Variants in LAPTM4A observed in about 807,000 individuals in gnomAD.
The protein encoded by LAPTM4A is lysosomal protein transmembrane 4 alpha.
In LAPTM4A, 19 loss-of-function variants were observed where a neutral mutation model predicts 29.9. The ratio of observed to expected loss-of-function variants is 0.64; its 90% CI spans 0.44 to 0.93. The LOEUF is 0.93. LAPTM4A is among the 40% of genes least tolerant of loss of function. The probability of loss-of-function intolerance (pLI) is 0.00; values close to 1 mark genes in which losing one functional copy is unlikely to be tolerated. For synonymous variants in LAPTM4A, 105 were observed against 102.1 expected, an observed-to-expected ratio of 1.03 and a Z score of -0.17; for missense variants, 293 against 288.5, an observed-to-expected ratio of 1.02 and a Z score of -0.11.
intron 1 of LAPTM4A, among the ~76,000 whole-genome samples, chr2:20,046,207 C>T (rs1309604491): frequency 1.3e-5 from 2 of 151,990 alleles, no homozygotes; most frequent in East Asian, 1.9e-4. Context: ...CAGCGGGTGG[C>T]GGGCTGGGGG....
chr2:20,036,412 T>C (rs1395974989), intron 4 of LAPTM4A, among the ~76,000 whole-genome samples: 2 of 152,244 alleles, frequency 1.3e-5, no homozygotes, highest in African/African-American at 2.4e-5. Context: ...ACCCATGTGA[T>C]ATCCACTCCC....
chr2:20,051,209 C>G (rs1402960592), intron 1 of LAPTM4A, among the ~76,000 whole-genome samples: 1 of 152,186 alleles, frequency 6.6e-6, no homozygotes, highest in African/African-American at 2.4e-5. Flanking sequence ...TACCACCGCC[C>G]CCCGCTCCCC....
intron 1 of LAPTM4A, among the ~76,000 whole-genome samples, chr2:20,049,804 A>G (rs1674012848): frequency 6.6e-6 from 1 of 152,208 alleles, no homozygotes; most frequent in African/African-American, 2.4e-5. Flanking sequence ...ATAGGAAAGA[A>G]AGTCATCTTC....
At position 20,044,078 on chromosome 2, in the gene LAPTM4A, T is replaced by A. The variant is rs58427000; in HGVS notation, c.112-3067A>T. Among the ~76,000 whole-genome samples, 438 of 152,386 alleles carry A rather than the reference T, an allele frequency of 2.9e-3. 3 individuals carry two copies. The highest frequency in any genetic ancestry group is 9.9e-3 in the African/African-American group (412 of 41,588). On this transcript the variant is annotated intron_variant, in intron 1 of 6. Transcript: ENST00000175091. The stretch of plus-strand genomic sequence containing the variant: ...TGCATTGTTCAGAGGCAAGGCATGA[T>A]ATCTTTCAATTCTTGAGAGGACTTA...
At chr2:20,047,300 A>T (rs1572400768) in intron 1 of LAPTM4A, among the ~76,000 whole-genome samples, 1 of 150,920 alleles carries the variant, frequency 6.6e-6, no homozygotes, top group African/African-American at 2.4e-5. Flanking sequence ...GGGCAGAGGA[A>T]TCGCTTGAAC....
rs532137023 is a variant in LAPTM4A at position 20,043,255 on chromosome 2, C to T, written c.112-2244G>A. ...TTTGAGACCAAGCCTCGCTCTGTCA[C>T]CCAGGCTGGAGTGCAGTGGCACGAT... On this transcript the variant is annotated intron_variant, in intron 1 of 6. Coordinates refer to ENST00000175091, the MANE Select transcript of LAPTM4A (RefSeq NM_014713.5). 3.4e-4 allele frequency among the ~76,000 whole-genome samples: 51 copies of T among 148,702 alleles called. 1 individual carries two copies. Among genetic ancestry groups the T allele is most frequent in the Non-Finnish European group, 6.2e-4 (42 of 67,400 alleles).
At chr2:20,038,193 C>G (rs2103496444) in intron 2 of LAPTM4A, among the ~76,000 whole-genome samples, 1 of 152,242 alleles carries the variant, frequency 6.6e-6, no homozygotes, top group African/African-American at 2.4e-5. Flanking sequence ...ACTTCCCCAC[C>G]CAACCTCCCA....
At chr2:20,037,279 T>G (rs1368843792) in intron 4 of LAPTM4A, 37 bp downstream of exon 4, 1 of 1,504,600 alleles carries the variant, frequency 6.6e-7, no homozygotes, top group South Asian at 1.3e-5. Context: ...TTACTCAAAA[T>G]GAAAAAAAAA....
intron 5 of LAPTM4A, 137 bp from the exon 6 acceptor site, chr2:20,034,552 G>A (rs1199964269): frequency 1.5e-6 from 1 of 647,040 alleles, no homozygotes; most frequent in African/African-American, 1.8e-5. Context: ...ACCCAGCACA[G>A]GCCAGGCCCT....
intron 1 of LAPTM4A, among the ~76,000 whole-genome samples, chr2:20,050,951 C>A (rs1381779887): frequency 1.3e-5 from 2 of 152,226 alleles, no homozygotes; most frequent in Non-Finnish European, 2.9e-5. Context: ...ACGGGAAGAC[C>A]AATGTCGAAA....
intron 1 of LAPTM4A, 114 bp downstream of exon 1, chr2:20,051,296 G>C (rs1674063450): frequency 1.4e-6 from 1 of 724,978 alleles, no homozygotes; most frequent in Non-Finnish European, 2.5e-6. Flanking sequence ...TTAAAAAGCA[G>C]CGCCCCTCCA....
chr2:20,045,363 G>A (rs946705625), intron 1 of LAPTM4A, among the ~76,000 whole-genome samples: 1 of 151,986 alleles, frequency 6.6e-6, no homozygotes, highest in African/African-American at 2.4e-5. Flanking sequence ...CTGGTCAGGT[G>A]CCTGAGGTGG....
intron 1 of LAPTM4A, among the ~76,000 whole-genome samples, chr2:20,043,995 C>T (rs577418701): frequency 6.6e-6 from 1 of 152,330 alleles, no homozygotes; most frequent in East Asian, 1.9e-4. Context: ...AAACCATTAT[C>T]TAAGGCTATA....
intron 1 of LAPTM4A, 57 bp downstream of exon 1, chr2:20,051,353 C>T (rs1674066018): frequency 8.8e-7 from 1 of 1,139,306 alleles, no homozygotes; most frequent in Non-Finnish European, 1.3e-6. Context: ...ACCCCCTCCG[C>T]ACCAGGCCCC....
chr2:20,034,316 C>T lies in LAPTM4A; in HGVS notation c.627+1G>A. 6.2e-7 allele frequency: 1 copy of T among 1,606,322 alleles called. No homozygotes were observed. The highest frequency in any genetic ancestry group is 8.5e-7 in the Non-Finnish European group (1 of 1,172,836). ...TTTTACTCTATCCAACAGTAGCTAA[C>T]CTGAGGAGGTGCTTCAAAGGCAGGG... is the stretch of plus-strand genomic sequence containing the variant. On this transcript the variant is annotated splice_donor_variant, in intron 6 of 6. Coordinates refer to ENST00000175091, the MANE Select transcript of LAPTM4A (RefSeq NM_014713.5). LOFTEE classifies it high-confidence loss of function.
chr2:20,035,134 C>G lies in LAPTM4A; in HGVS notation c.433-72G>C, dbSNP rs937324629. The G allele has an allele frequency of 1.2e-5, 12 of 989,962 alleles. No homozygotes were observed. The African/African-American group carries it at 2.0e-4, about 16-fold the overall frequency. The allele number at this position is 989,962 out of a possible 1,614,324, so 61.3% of individuals were successfully genotyped here. A position where few individuals can be genotyped will look rare whatever the true frequency, so the allele number is the denominator to read the frequency against. ...CACTTGCTGATAACCTGAAGAGCAT[C>G]TGAAGAATACAAAGGCACCAAAGTC... On this transcript the variant is annotated intron_variant, in intron 4 of 6. Coordinates refer to ENST00000175091, the MANE Select transcript of LAPTM4A (RefSeq NM_014713.5).
chr2:20,050,961 A>G (rs1441514976), intron 1 of LAPTM4A, among the ~76,000 whole-genome samples: 1 of 152,268 alleles, frequency 6.6e-6, no homozygotes, highest in Non-Finnish European at 1.5e-5. Context: ...CAATGTCGAA[A>G]CTAGACTGCG....
At chr2:20,050,591 G>T (rs920582091) in intron 1 of LAPTM4A, among the ~76,000 whole-genome samples, 2 of 152,120 alleles carry the variant, frequency 1.3e-5, no homozygotes, top group Non-Finnish European at 2.9e-5. Flanking sequence ...TATAAATGGT[G>T]AATTACAAAA....
rs1674076728 is a variant in LAPTM4A at position 20,051,591 on chromosome 2, G to A, written c.-71C>T. Reference sequence around the variant, plus strand: ...CTCCACCCGCAGCCAAACTCAAACGGCTGTTTCACGGCCTCCAAAACCCAA... The same window carrying A: ...CTCCACCCGCAGCCAAACTCAAACGACTGTTTCACGGCCTCCAAAACCCAA... On this transcript the variant is annotated 5_prime_UTR_variant, in exon 1 of 7. Transcript: ENST00000175091. 5.1e-6 allele frequency: 5 copies of A among 987,976 alleles called. No individual in the cohort carries two copies. Among genetic ancestry groups the A allele is most frequent in the East Asian group, 2.7e-5 (1 of 37,004 alleles). The allele number at this position is 987,976 out of a possible 1,614,324, so 61.2% of individuals were successfully genotyped here.
Sources: gnomAD v4.1 joint callset for allele counts (sites outside exome capture counted in the v4.1 genomes callset) on GRCh38, gnomAD v4.1.1 for gene constraint, MANE v1.5 for transcripts, NCBI Gene and HGNC (gene_info 2026-07-23, HGNC 2026-07-21) for gene names.